The following SOX6 variants were observed in gnomAD, a reference collection of about 807,000 sequenced individuals.
SOX6 encodes transcription factor SOX-6.
Under a neutral mutation model 97.8 loss-of-function variants are expected in SOX6, and 11 were observed. The observed-to-expected ratio is 0.11, with a 90% CI of 0.07 to 0.19. The LOEUF (loss-of-function observed/expected upper bound fraction) is 0.19, where lower values mean the gene tolerates loss of function less well. SOX6 is among the 10% of genes least tolerant of loss of function. The pLI, the probability that SOX6 is intolerant of heterozygous loss-of-function variation, is 1.00. For missense variants in SOX6, 810 were observed against 1,039.5 expected (o/e 0.78, Z 3.04); for synonymous variants, 360 against 371.4 (o/e 0.97, Z 0.35).
At chr11:16,323,128 C>T (rs1404367257) in intron 2 of SOX6, among the ~76,000 whole-genome samples, 2 of 152,006 alleles carry the variant, frequency 1.3e-5, no homozygotes, top group African/African-American at 4.8e-5. Flanking sequence ...TAAAAGTATC[C>T]TAGTCCCAAA....
chr11:15,986,485 T>C lies in SOX6; in HGVS notation c.1967-65A>G, dbSNP rs1853844094. On this transcript the variant is annotated intron_variant, in intron 14 of 15. Transcript: ENST00000683767. ...GCAACATATTCTAGGCAAACACAAC[T>C]AGATATACCTTCCCATCACTTCACT... 4.1e-6 allele frequency: 6 copies of C among 1,464,436 alleles called. No individual in the cohort carries two copies. The Admixed American group carries it at 1.0e-4, about 25-fold the overall frequency. The allele number at this position is 1,464,436 out of a possible 1,614,324, so 90.7% of individuals were successfully genotyped here.
chr11:16,526,573 T>C (rs1011971303), intron 4 of SOX6, among the ~76,000 whole-genome samples: 14 of 152,124 alleles, frequency 9.2e-5, no homozygotes, highest in Non-Finnish European at 1.6e-4. Context: ...GCATGGCACA[T>C]GTATACATAT....
chr11:16,313,583 G>A (rs549465142), intron 3 of SOX6: 1 of 152,156 alleles, frequency 6.6e-6, no homozygotes, highest in African/African-American at 2.4e-5. Flanking sequence ...TACCTCCTTA[G>A]ACCTAGAATA....
chr11:15,977,765 A>G (rs1056926211), intron 15 of SOX6, among the ~76,000 whole-genome samples: 8 of 152,004 alleles, frequency 5.3e-5, no homozygotes, highest in Non-Finnish European at 1.0e-4. Flanking sequence ...ATCATATTGC[A>G]CATTGTTCTA....
intron 1 of SOX6, among the ~76,000 whole-genome samples, chr11:16,412,802 T>C (rs1190799487): frequency 6.6e-6 from 1 of 152,188 alleles, no homozygotes; most frequent in Non-Finnish European, 1.5e-5. Context: ...AGCTCAAGGT[T>C]AGAAACCTCA....
chr11:16,571,141 T>C (rs377188213), intron 4 of SOX6, among the ~76,000 whole-genome samples: 5 of 152,314 alleles, frequency 3.3e-5, no homozygotes, highest in Admixed American at 6.5e-5. Flanking sequence ...TTGTTGCCAA[T>C]GTATTTTGTC....
intron 4 of SOX6, among the ~76,000 whole-genome samples, chr11:16,565,150 G>T (rs1385948445): frequency 3.3e-5 from 5 of 152,064 alleles, no homozygotes; most frequent in African/African-American, 1.2e-4. Flanking sequence ...GACATAAAAA[G>T]GATAGTAAGT....
intron 3 of SOX6, among the ~76,000 whole-genome samples, chr11:16,257,660 G>T (rs575219898): frequency 5.7e-4 from 86 of 151,874 alleles, no homozygotes; most frequent in African/African-American, 2.0e-3. Context: ...TAACTTTTTA[G>T]CCAGAACACT....
At chr11:16,377,580 A>G (rs1242832854) in intron 1 of SOX6, among the ~76,000 whole-genome samples, 2 of 152,202 alleles carry the variant, frequency 1.3e-5, no homozygotes, top group Admixed American at 6.6e-5. Flanking sequence ...AAGATGGAAA[A>G]AAACATCCAC....
intron 4 of SOX6, among the ~76,000 whole-genome samples, chr11:16,232,896 T>TC (rs1215839641): frequency 2.0e-5 from 3 of 152,100 alleles, no homozygotes. Flanking sequence ...TCTTTTTTTT[T>TC]CCAAGACAGC....
intron 3 of SOX6, among the ~76,000 whole-genome samples, chr11:16,261,574 T>C (rs1853899368): frequency 6.6e-6 from 1 of 151,894 alleles, no homozygotes; most frequent in Non-Finnish European, 1.5e-5. Context: ...TCTTCTGGGG[T>C]ATATACTCTG....
intron 3 of SOX6, among the ~76,000 whole-genome samples, chr11:16,684,182 A>G (rs1590051105): frequency 6.6e-6 from 1 of 152,322 alleles, no homozygotes; most frequent in East Asian, 1.9e-4. Flanking sequence ...GCGATTCCTC[A>G]AGGATCTAGA....
At chr11:16,257,576 A>G (rs1279217395) in intron 3 of SOX6, among the ~76,000 whole-genome samples, 2 of 152,008 alleles carry the variant, frequency 1.3e-5, no homozygotes, top group Non-Finnish European at 2.9e-5. Context: ...TCATAGACCT[A>G]AATGTAAAAC....
At chr11:15,999,885 T>G (rs1849991048) in intron 13 of SOX6, among the ~76,000 whole-genome samples, 1 of 152,178 alleles carries the variant, frequency 6.6e-6, no homozygotes, top group Admixed American at 6.5e-5. Flanking sequence ...AGTCCCTTAC[T>G]TGGGTTATTA....
At chr11:16,469,308 T>A (rs542000181) in intron 1 of SOX6, among the ~76,000 whole-genome samples, 2 of 151,972 alleles carry the variant, frequency 1.3e-5, no homozygotes, top group African/African-American at 4.8e-5. Flanking sequence ...AAAAAGTAAG[T>A]GCAGGAGTTT....
At chr11:16,097,745 CAAG>C in intron 7 of SOX6, 57 bp from the exon 8 acceptor site, 1 of 1,445,316 alleles carries the variant, frequency 6.9e-7, no homozygotes, top group Admixed American at 1.7e-5. Flanking sequence ...TTGCAGCAGA[CAAG>C]TACAAACATG....
chr11:16,540,709 C>T (rs1185506013), intron 4 of SOX6, among the ~76,000 whole-genome samples: 4 of 152,164 alleles, frequency 2.6e-5, no homozygotes, highest in African/African-American at 9.7e-5. Flanking sequence ...CATGAGTGAA[C>T]TCCCATTCAC....
At chr11:15,982,359 T>C (rs1238794030) in intron 15 of SOX6, among the ~76,000 whole-genome samples, 3 of 152,062 alleles carry the variant, frequency 2.0e-5, no homozygotes, top group Non-Finnish European at 4.4e-5. Flanking sequence ...ATAATCTGTA[T>C]AATCCACTCA....
chr11:16,540,597 T>C (rs1399189570), intron 4 of SOX6, among the ~76,000 whole-genome samples: 2 of 152,092 alleles, frequency 1.3e-5, no homozygotes, highest in Admixed American at 1.3e-4. Flanking sequence ...AAAATCTCCT[T>C]AAGCTGATAA....
Sources: gnomAD v4.1 joint callset for allele counts (sites outside exome capture counted in the v4.1 genomes callset) on GRCh38, gnomAD v4.1.1 for gene constraint, MANE v1.5 for transcripts, NCBI Gene and HGNC (gene_info 2026-07-23, HGNC 2026-07-21) for gene names.